Variants in LOXHD1 observed in about 807,000 individuals in gnomAD.
The protein encoded by LOXHD1 is lipoxygenase homology PLAT domains 1, also known as lipoxygenase homology domain-containing protein 1.
In LOXHD1, 205 loss-of-function variants were observed where a neutral mutation model predicts 248.2. The ratio of observed to expected loss-of-function variants is 0.83; its 90% CI spans 0.74 to 0.93. LOXHD1 has a LOEUF of 0.93. Ranked by LOEUF, LOXHD1 falls within the 40% of genes least tolerant of loss-of-function variation. LOXHD1 has a pLI of 0.00. For synonymous variants in LOXHD1, 1,113 were observed against 1,162.8 expected (o/e 0.96, Z 0.87); for missense variants, 2,930 against 2,971.6 (o/e 0.99, Z 0.33).
rs114973790 is a variant in LOXHD1 at position 46,650,346 on chromosome 18, A to G, written c.131-1077T>C. Reference sequence around the variant, plus strand: ...ATTTACAATGTGGAGAGTCAGCAAAATGTGGGGAGGGTGTTTTAAATATTT... The same window carrying G: ...ATTTACAATGTGGAGAGTCAGCAAAGTGTGGGGAGGGTGTTTTAAATATTT... On this transcript the variant is annotated intron_variant, in intron 1 of 40. Coordinates refer to ENST00000642948, the MANE Select transcript of LOXHD1 (RefSeq NM_001384474.1). 6.1e-3 allele frequency among the ~76,000 whole-genome samples: 929 copies of G among 152,248 alleles called. 16 individuals carry two copies. The highest frequency in any genetic ancestry group is 0.022 in the African/African-American group (900 of 41,540).
intron 5 of LOXHD1, among the ~76,000 whole-genome samples, chr18:46,613,864 G>T (rs972372098): frequency 6.6e-6 from 1 of 151,972 alleles, no homozygotes; most frequent in Non-Finnish European, 1.5e-5. Context: ...TTAAATCCCT[G>T]GAATAAACCC....
In LOXHD1 at chr18:46,618,287, T is replaced by C. The variant is rs1238553126; in HGVS notation, c.515A>G (p.Asn172Ser). 1.9e-6 allele frequency: 3 copies of C among 1,548,094 alleles called. No individual in the cohort carries two copies. Among genetic ancestry groups the C allele is most frequent in the Non-Finnish European group, 1.7e-6 (2 of 1,144,068 alleles). The change falls in exon 5 of 41, where the codon AAT (asparagine) becomes AGT (serine). Residue 172 changes from asparagine (N) to serine (S), a missense_variant. Asn to Ser is a conservative substitution (Grantham distance 46). Coordinates refer to ENST00000642948, the MANE Select transcript of LOXHD1 (RefSeq NM_001384474.1). ...SFNPMDMPRG[N>S]KYEVKVYTGD... ...AGTGTATACCTTGACTTCATACTTA[T>C]TACCTAGGAACAAGGAGAGAGAAAA...
intron 30 of LOXHD1, 23 bp from the exon 31 acceptor site, chr18:46,524,624 C>T: frequency 1.3e-6 from 2 of 1,551,562 alleles, no homozygotes; most frequent in South Asian, 2.4e-5. Context: ...GCAGGACTGG[C>T]AGTTGCAGCT....
chr18:46,655,857 T>G (rs889140183), intron 1 of LOXHD1, among the ~76,000 whole-genome samples: 10 of 152,170 alleles, frequency 6.6e-5, no homozygotes, highest in Admixed American at 3.3e-4. Context: ...ATGGAACAAT[T>G]ATGAATTGGA....
chr18:46,564,437 CA>C (rs2037596643), intron 17 of LOXHD1, among the ~76,000 whole-genome samples: 4 of 152,202 alleles, frequency 2.6e-5, no homozygotes, highest in African/African-American at 9.6e-5. Flanking sequence ...GAGGCTGAGG[CA>C]GGGGGATCGC....
At chr18:46,594,589 A>C in intron 8 of LOXHD1, 123 bp from the exon 9 acceptor site, 1 of 1,195,320 alleles carries the variant, frequency 8.4e-7, no homozygotes, top group South Asian at 1.5e-5. Context: ...AAGGAATGGC[A>C]CCTTTTCTGT....
At chr18:46,653,855 T>C (rs1294018510) in intron 1 of LOXHD1, among the ~76,000 whole-genome samples, 1 of 152,222 alleles carries the variant, frequency 6.6e-6, no homozygotes, top group Non-Finnish European at 1.5e-5. Context: ...AAAATAGCTT[T>C]CAACTCTTAA....
chr18:46,642,077 C>T, intron 2 of LOXHD1, 41 bp from the exon 3 acceptor site: 1 of 1,534,940 alleles, frequency 6.5e-7, no homozygotes, highest in Non-Finnish European at 8.8e-7. Context: ...CAGCTGTTGG[C>T]TCACAGGCCT....
At chr18:46,565,421 G>T (rs114992935) in intron 17 of LOXHD1, among the ~76,000 whole-genome samples, 1 of 152,028 alleles carries the variant, frequency 6.6e-6, no homozygotes, top group African/African-American at 2.4e-5. Context: ...CTGTTCATTC[G>T]CATTATCCTA....
chr18:46,520,387 A>G, intron 33 of LOXHD1: 1 of 446,730 alleles, frequency 2.2e-6, no homozygotes, highest in Non-Finnish European at 4.6e-6. Flanking sequence ...TGTTGACCCC[A>G]TAGCCATGAG....
chr18:46,577,256 G>T (rs543810275), intron 14 of LOXHD1, among the ~76,000 whole-genome samples: 1 of 152,286 alleles, frequency 6.6e-6, no homozygotes, highest in Admixed American at 6.5e-5. Flanking sequence ...TTTATCTCAT[G>T]AATAAATTGC....
In LOXHD1 at chr18:46,485,006, C is replaced by T; in HGVS notation, c.6182+13G>A. On this transcript the variant is annotated intron_variant, in intron 39 of 40. Transcript: ENST00000642948. Reference sequence around the variant, plus strand: ...CCACCCCCCACCACTTCCCATGGGCCTCCCCTTCCTACTTCCTAAAGGCCC... The same window carrying T: ...CCACCCCCCACCACTTCCCATGGGCTTCCCCTTCCTACTTCCTAAAGGCCC... The T allele has an allele frequency of 6.5e-7, 1 of 1,550,236 alleles. No homozygotes were observed. Among genetic ancestry groups the T allele is most frequent in the Non-Finnish European group, 8.7e-7 (1 of 1,145,910 alleles).
At chr18:46,511,144 AAGG>A (rs1424363603) in intron 34 of LOXHD1, among the ~76,000 whole-genome samples, 13 of 152,198 alleles carry the variant, frequency 8.5e-5, no homozygotes, top group African/African-American at 2.9e-4. Context: ...GGAAGACTGC[AAGG>A]AGATTACATT....
chr18:46,510,351 G>C (rs2034883523), intron 34 of LOXHD1, among the ~76,000 whole-genome samples: 1 of 152,230 alleles, frequency 6.6e-6, no homozygotes, highest in South Asian at 2.1e-4. Context: ...ACTGAACACA[G>C]TGCCCTGAAT....
At chr18:46,545,755 A>G (rs1144619) in intron 22 of LOXHD1, among the ~76,000 whole-genome samples, 1 of 145,386 alleles carries the variant, frequency 6.9e-6, no homozygotes, top group African/African-American at 2.6e-5. Flanking sequence ...TCAGCCTCCC[A>G]AGTAGCTGGG....
In LOXHD1 at chr18:46,560,069, C is replaced by CCCCCCCCCCCAAA; in HGVS notation, c.3061+13_3061+14insTTTGGGGGGGGGG. ...CCACTCCCTCCCCACCCCCACCCCC[C>CCCCCCCCCCCAAA]ACGACCCACTTACGCTCAGGACCCG... On this transcript the variant is annotated intron_variant, in intron 19 of 40. Transcript: ENST00000642948. The CCCCCCCCCCCAAA allele has an allele frequency of 1.3e-6, 2 of 1,514,304 alleles. No individual in the cohort carries two copies. Among genetic ancestry groups the CCCCCCCCCCCAAA allele is most frequent in the Non-Finnish European group, 8.9e-7 (1 of 1,119,058 alleles). The allele number at this position is 1,514,304 out of a possible 1,614,324, so 93.8% of individuals were successfully genotyped here.
chr18:46,496,316 A>G (rs951648974), intron 37 of LOXHD1, among the ~76,000 whole-genome samples: 10 of 152,204 alleles, frequency 6.6e-5, no homozygotes, highest in African/African-American at 2.4e-4. Context: ...TCACTAAAAA[A>G]GAAATATTGA....
rs114663985 is a variant in LOXHD1, at chr18:46,489,939, G to A, written c.5879-797C>T. On this transcript the variant is annotated intron_variant, in intron 37 of 40. Transcript: ENST00000642948. ...AATCCAAAGCTGCTATTTCTTTTGG[G>A]TATGTTGCTAATATTGAACACATAG... is the stretch of plus-strand genomic sequence containing the variant. 8.2e-3 allele frequency among the ~76,000 whole-genome samples: 1,250 copies of A among 152,340 alleles called. 20 individuals are homozygous for A. Among genetic ancestry groups the A allele is most frequent in the African/African-American group, 0.028 (1,170 of 41,568 alleles).
At chr18:46,560,849 C>A (rs1299998389) in intron 18 of LOXHD1, among the ~76,000 whole-genome samples, 1 of 138,802 alleles carries the variant, frequency 7.2e-6, no homozygotes, top group South Asian at 2.3e-4. Flanking sequence ...CACACACACA[C>A]GCACGCGCGC....
Sources: gnomAD v4.1 joint callset for allele counts (sites outside exome capture counted in the v4.1 genomes callset) on GRCh38, gnomAD v4.1.1 for gene constraint, MANE v1.5 for transcripts, NCBI Gene and HGNC (gene_info 2026-07-23, HGNC 2026-07-21) for gene names.